PUM2: variants seen among roughly 807,000 people sequenced by gnomAD.
PUM2 encodes pumilio homolog 2.
Under a neutral mutation model 124.5 loss-of-function variants are expected in PUM2, and 57 were observed. The observed-to-expected ratio is 0.46, with a 90% confidence interval of 0.37 to 0.57. The LOEUF is 0.57. PUM2 is among the 20% of genes least tolerant of loss of function. PUM2 has a pLI of 0.00. For missense variants in PUM2, 1,065 were observed against 1,290.6 expected, an observed-to-expected ratio of 0.83 and a Z score of 2.68; for synonymous variants, 460 against 446.1, an observed-to-expected ratio of 1.03 and a Z score of -0.39.
At chr2:20,278,173 A>C (rs1006733419) in intron 13 of PUM2, among the ~76,000 whole-genome samples, 2 of 152,194 alleles carry the variant, frequency 1.3e-5, no homozygotes, top group Non-Finnish European at 2.9e-5. Flanking sequence ...AGAAAGACCA[A>C]AGCAAAAACC....
chr2:20,295,414 G>A (rs1222210552), intron 8 of PUM2, among the ~76,000 whole-genome samples: 1 of 151,840 alleles, frequency 6.6e-6, no homozygotes, highest in Admixed American at 6.6e-5. Context: ...GCATTCAAAG[G>A]GGAAAAAAGC....
At chr2:20,304,021 A>T (rs1677626304) in intron 7 of PUM2, among the ~76,000 whole-genome samples, 1 of 152,182 alleles carries the variant, frequency 6.6e-6, no homozygotes, top group Admixed American at 6.5e-5. Flanking sequence ...TTGAAACATT[A>T]TCTTACATGA....
At chr2:20,341,072 C>G (rs1389010118) in intron 1 of PUM2, among the ~76,000 whole-genome samples, 2 of 152,206 alleles carry the variant, frequency 1.3e-5, no homozygotes, top group Non-Finnish European at 1.5e-5. Context: ...AATCCCAACA[C>G]TTTGGTTGGC....
chr2:20,252,276 A>C (rs1416782338), intron 20 of PUM2, among the ~76,000 whole-genome samples: 3 of 152,192 alleles, frequency 2.0e-5, no homozygotes, highest in Non-Finnish European at 4.4e-5. Flanking sequence ...CAAAACTAAA[A>C]GCATGCATGC....
intron 10 of PUM2, among the ~76,000 whole-genome samples, chr2:20,284,949 C>T (rs1251105723): frequency 6.6e-6 from 1 of 152,194 alleles, no homozygotes; most frequent in East Asian, 1.9e-4. Flanking sequence ...ACTGTACATG[C>T]CAGTCAATAG....
chr2:20,277,764 T>C (rs928992083), intron 13 of PUM2, among the ~76,000 whole-genome samples: 2 of 152,276 alleles, frequency 1.3e-5, no homozygotes, highest in Non-Finnish European at 2.9e-5. Flanking sequence ...ACATAAAAGC[T>C]GGCAATAGAA....
At chr2:20,309,161 C>T (rs897238029) in intron 5 of PUM2, among the ~76,000 whole-genome samples, 10 of 152,116 alleles carry the variant, frequency 6.6e-5, no homozygotes, top group African/African-American at 2.4e-4. Context: ...AAAAGGCTGA[C>T]TTCTGACTTT....
chr2:20,302,661 T>C (rs1166622578), intron 7 of PUM2, among the ~76,000 whole-genome samples: 3 of 152,212 alleles, frequency 2.0e-5, no homozygotes. Context: ...TACCACACTA[T>C]TTTAATTGTC....
intron 20 of PUM2, among the ~76,000 whole-genome samples, chr2:20,253,468 C>T (rs760908189): frequency 6.6e-6 from 1 of 151,712 alleles, no homozygotes; most frequent in Non-Finnish European, 1.5e-5. Flanking sequence ...TCCCAAGTAG[C>T]TGGGACTAAA....
At chr2:20,298,795 C>G (rs970242948) in intron 7 of PUM2, among the ~76,000 whole-genome samples, 1 of 152,126 alleles carries the variant, frequency 6.6e-6, no homozygotes, top group African/African-American at 2.4e-5. Flanking sequence ...GCCGAGATAA[C>G]GCCACTGCAC....
At chr2:20,307,899 C>T (rs1678715684) in intron 7 of PUM2, 79 bp downstream of exon 7, 1 of 1,531,174 alleles carries the variant, frequency 6.5e-7, no homozygotes, top group African/African-American at 1.4e-5. Flanking sequence ...CAAAACCTCA[C>T]CAATCAGTAA....
intron 5 of PUM2, among the ~76,000 whole-genome samples, chr2:20,309,287 TTATGAAAGCCCAC>T (rs1316916619): frequency 1.4e-3 from 208 of 152,236 alleles, no homozygotes; most frequent in African/African-American, 4.9e-3. Context: ...AAGCAACTAT[TTATGAAAGCCCAC>T]TATGAAAGCC....
intron 7 of PUM2, among the ~76,000 whole-genome samples, chr2:20,302,159 C>T (rs1233420275): frequency 5.9e-5 from 9 of 152,132 alleles, no homozygotes; most frequent in Admixed American, 4.6e-4. Flanking sequence ...CTGATGTTCC[C>T]GCCTCAACCT....
At chr2:20,340,404 T>C (rs1166975271) in intron 1 of PUM2, among the ~76,000 whole-genome samples, 1 of 152,178 alleles carries the variant, frequency 6.6e-6, no homozygotes, top group Non-Finnish European at 1.5e-5. Flanking sequence ...TCAGTACATA[T>C]ATGGTGAGGA....
intron 1 of PUM2, among the ~76,000 whole-genome samples, chr2:20,338,573 C>T (rs779534181): frequency 2.0e-5 from 3 of 152,150 alleles, no homozygotes; most frequent in Non-Finnish European, 4.4e-5. Context: ...ATTACTAATA[C>T]ATCTTGCCCA....
At chr2:20,278,494 A>G (rs902814177) in intron 13 of PUM2, 89 bp downstream of exon 13, 2 of 1,124,980 alleles carry the variant, frequency 1.8e-6, no homozygotes, top group East Asian at 2.6e-5. Context: ...TTTAACCAAC[A>G]TTAAATATTT....
chr2:20,275,034 T>A (rs2148780253), intron 13 of PUM2, among the ~76,000 whole-genome samples: 1 of 131,222 alleles, frequency 7.6e-6, no homozygotes, highest in East Asian at 2.4e-4. Context: ...ATTGCCCCCC[T>A]CCTATAGATT....
At position 20,341,158 on chromosome 2, in the gene PUM2, T is replaced by G. The variant is rs187902772; in HGVS notation, c.-19+9439A>C. Reference sequence around the variant, plus strand: ...CATAGCAGGGGCCACAGCTCTTACCTGCGCTCTGCACAGCCCCCCTCTCCC... The same window carrying G: ...CATAGCAGGGGCCACAGCTCTTACCGGCGCTCTGCACAGCCCCCCTCTCCC... On this transcript the variant is annotated intron_variant, in intron 1 of 20. Transcript: ENST00000361078. 2.0e-3 allele frequency among the ~76,000 whole-genome samples: 309 copies of G among 152,232 alleles called. 2 individuals are homozygous for G. The highest frequency in any genetic ancestry group is 3.5e-3 in the Non-Finnish European group (238 of 68,014).
At chr2:20,318,000 A>G (rs1254225949) in intron 3 of PUM2, among the ~76,000 whole-genome samples, 5 of 152,188 alleles carry the variant, frequency 3.3e-5, no homozygotes, top group Non-Finnish European at 7.3e-5. Context: ...CTGCAAACAT[A>G]CACGTGTGTG....
Sources: gnomAD v4.1 joint callset for allele counts (sites outside exome capture counted in the v4.1 genomes callset) on GRCh38, gnomAD v4.1.1 for gene constraint, MANE v1.5 for transcripts, NCBI Gene and HGNC (gene_info 2026-07-23, HGNC 2026-07-21) for gene names.